ZZEF1: variants seen among roughly 807,000 people sequenced by gnomAD.
The protein encoded by ZZEF1 is zinc finger ZZ-type and EF-hand domain containing 1, also known as zinc finger ZZ-type and EF-hand domain-containing protein 1.
In ZZEF1, 157 loss-of-function variants were observed where a neutral mutation model predicts 342.8. The ratio of observed to expected loss-of-function variants is 0.46; its 90% CI spans 0.40 to 0.52. ZZEF1 has a LOEUF of 0.52. ZZEF1 is among the 20% of genes least tolerant of loss of function. ZZEF1 has a pLI of 0.00. For synonymous variants in ZZEF1, 1,505 were observed against 1,429.1 expected (o/e 1.05, Z -1.20); for missense variants, 3,480 against 3,725.6 (o/e 0.93, Z 1.72).
chr17:4,038,832 C>CAAAA, intron 39 of ZZEF1, among the ~76,000 whole-genome samples: 1 of 151,720 alleles, frequency 6.6e-6, no homozygotes, highest in African/African-American at 2.4e-5. Context: ...AACAAACAAA[C>CAAAA]AAACAAAAAA....
At position 4,016,187 on chromosome 17, in the gene ZZEF1, C is replaced by T; in HGVS notation, c.8145+136G>A. 1 of 1,073,930 alleles carries T rather than the reference C, an allele frequency of 9.3e-7. No individual in the cohort carries two copies. Among genetic ancestry groups the T allele is most frequent in the Non-Finnish European group, 1.3e-6 (1 of 755,934 alleles). 66.5% of individuals were successfully genotyped at this position (1,073,930 alleles called of 1,614,324 possible). On this transcript the variant is annotated intron_variant, in intron 49 of 54. Transcript: ENST00000381638. The surrounding 1 kb of genome is among the most constrained non-coding windows in gnomAD (Gnocchi z 4.4). ...AGACTGCAGTTTGTTCAAGGAAGCA[C>T]TTTCCTGGACAGGTCTCTGCTGTCC...
At chr17:4,099,353 G>C (rs1486685804) in intron 9 of ZZEF1, among the ~76,000 whole-genome samples, 1 of 151,428 alleles carries the variant, frequency 6.6e-6, no homozygotes, top group African/African-American at 2.4e-5. Context: ...GCCTAAGTAG[G>C]CCCACAGGCA....
At chr17:4,135,086 C>T (rs922613629) in intron 1 of ZZEF1, among the ~76,000 whole-genome samples, 7 of 152,144 alleles carry the variant, frequency 4.6e-5, no homozygotes, top group Non-Finnish European at 8.8e-5. Context: ...AGTAAGGGCA[C>T]CATGGGGCCA....
At chr17:4,112,075 TATATATATATATATA>T (rs2058317995) in intron 5 of ZZEF1, among the ~76,000 whole-genome samples, 2 of 56,588 alleles carry the variant, frequency 3.5e-5, no homozygotes, top group African/African-American at 1.6e-4. Context: ...TATATATATA[TATATATATATATATA>T]TATGTTTTGT....
rs2056128342 is a variant in ZZEF1 at position 4,017,198 on chromosome 17, C to T, written c.8001+173G>A. ...GCGCTCAGGGCCCCTGAGTTCCTCA[C>T]TAGCCCAATCCTTGGGAGAGGATAC... On this transcript the variant is annotated intron_variant, in intron 48 of 54. Coordinates refer to ENST00000381638, the MANE Select transcript of ZZEF1 (RefSeq NM_015113.4). The surrounding 1 kb of genome is among the most constrained non-coding windows in gnomAD (Gnocchi z 5.1). The T allele has an allele frequency of 8.6e-6, 8 of 928,650 alleles. No homozygotes were observed. The Admixed American group carries it at 9.1e-5, about 11-fold the overall frequency. The allele number at this position is 928,650 out of a possible 1,614,324, so 57.5% of individuals were successfully genotyped here.
intron 12 of ZZEF1, among the ~76,000 whole-genome samples, 180 bp downstream of exon 12, chr17:4,090,536 TCTC>T (rs1192310540): frequency 6.6e-6 from 1 of 152,192 alleles, no homozygotes; most frequent in Admixed American, 6.5e-5. Context: ...GCTCTCTGTC[TCTC>T]CTTTTATCAC....
intron 6 of ZZEF1, among the ~76,000 whole-genome samples, chr17:4,108,904 A>G (rs2058252470): frequency 6.6e-6 from 1 of 152,218 alleles, no homozygotes; most frequent in South Asian, 2.1e-4. Context: ...AGATGTCTAG[A>G]GAACAAAATA....
intron 42 of ZZEF1, among the ~76,000 whole-genome samples, chr17:4,026,073 C>T (rs991794277): frequency 7.2e-5 from 11 of 152,092 alleles, no homozygotes; most frequent in African/African-American, 1.4e-4. Context: ...GAGAGCTCTC[C>T]GGAGATCCAC....
intron 5 of ZZEF1, among the ~76,000 whole-genome samples, chr17:4,112,088 ATATATGTTT>A (rs1292081668): frequency 2.7e-4 from 12 of 44,124 alleles, no homozygotes; most frequent in South Asian, 6.2e-4. Context: ...ATATATATAT[ATATATGTTT>A]TGTTTTGTTT....
intron 13 of ZZEF1, among the ~76,000 whole-genome samples, chr17:4,087,740 T>C (rs921149132): frequency 6.6e-6 from 1 of 151,770 alleles, no homozygotes; most frequent in African/African-American, 2.4e-5. Context: ...ATGTGTGTGT[T>C]ATATGTATGT....
At chr17:4,010,787 A>T (rs2055932264) in intron 52 of ZZEF1, among the ~76,000 whole-genome samples, 1 of 151,908 alleles carries the variant, frequency 6.6e-6, no homozygotes. Flanking sequence ...TACAAAATAA[A>T]ATTCAAAAAT....
chr17:4,080,158 C>G (rs914308502), intron 18 of ZZEF1, among the ~76,000 whole-genome samples: 1 of 151,998 alleles, frequency 6.6e-6, no homozygotes, highest in African/African-American at 2.4e-5. Flanking sequence ...TTTTTTCTGT[C>G]AAATATCCCA....
intron 28 of ZZEF1, among the ~76,000 whole-genome samples, chr17:4,065,118 T>C (rs1437721749): frequency 1.3e-5 from 2 of 152,142 alleles, no homozygotes; most frequent in African/African-American, 2.4e-5. Context: ...AATAAAGTGA[T>C]ATAGGCCTAG....
chr17:4,057,654 AGAG>A, intron 32 of ZZEF1, among the ~76,000 whole-genome samples: 1 of 152,366 alleles, frequency 6.6e-6, no homozygotes, highest in East Asian at 1.9e-4. Context: ...ACCAAAATGC[AGAG>A]GATTCTCGGC....
rs1393498020 is a variant in ZZEF1 at position 4,005,208 on chromosome 17, G to A, written c.*1682C>T. On this transcript the variant is annotated 3_prime_UTR_variant, in exon 55 of 55. Coordinates refer to ENST00000381638, the MANE Select transcript of ZZEF1 (RefSeq NM_015113.4). ...ACTGGGAGGCCTCCTCGGGTCTGAGGGATGAAGAAGGTGGGGCCTTCTCTG... is the reference window on the plus strand; with the variant it reads ...ACTGGGAGGCCTCCTCGGGTCTGAGAGATGAAGAAGGTGGGGCCTTCTCTG... 6.6e-6 allele frequency: 1 copy of A among 152,614 alleles called. No homozygotes were observed. The highest frequency in any genetic ancestry group is 1.5e-5 in the Non-Finnish European group (1 of 68,250). 9.5% of individuals were successfully genotyped at this position (152,614 alleles called of 1,614,324 possible).
chr17:4,110,905 G>C (rs2058286016), intron 5 of ZZEF1, among the ~76,000 whole-genome samples: 1 of 152,064 alleles, frequency 6.6e-6, no homozygotes, highest in Non-Finnish European at 1.5e-5. Context: ...TAGAGACGGA[G>C]TTTCACCATG....
chr17:4,075,662 G>C (rs2057598110), intron 21 of ZZEF1, among the ~76,000 whole-genome samples: 1 of 152,142 alleles, frequency 6.6e-6, no homozygotes, highest in African/African-American at 2.4e-5. Flanking sequence ...TCCATGACCA[G>C]CTTGTACCTT....
intron 27 of ZZEF1, 33 bp downstream of exon 27, chr17:4,067,130 A>G (rs1567810516): frequency 6.3e-7 from 1 of 1,582,984 alleles, no homozygotes; most frequent in Admixed American, 1.7e-5. Flanking sequence ...AAAACCTAAA[A>G]TATAGCAAAA....
At chr17:4,026,253 T>C (rs1475296314) in intron 42 of ZZEF1, among the ~76,000 whole-genome samples, 1 of 151,906 alleles carries the variant, frequency 6.6e-6, no homozygotes, top group African/African-American at 2.4e-5. Context: ...CTAGTGGAGA[T>C]GGGGGTGGGG....
Sources: allele counts gnomAD v4.1 joint callset (sites outside exome capture counted in the v4.1 genomes callset), GRCh38; gene constraint gnomAD v4.1.1; non-coding constraint Gnocchi (gnomAD v3.1); transcripts MANE v1.5; gene names NCBI Gene and HGNC (gene_info 2026-07-23, HGNC 2026-07-21).